Variants in SDF2 observed in about 807,000 individuals in gnomAD.
SDF2 encodes the protein stromal cell derived factor 2.
SDF2 carries 12 observed loss-of-function variants against 20.5 expected under a neutral mutation model. The ratio of observed to expected loss-of-function variants is 0.58; its 90% CI spans 0.37 to 0.95. SDF2 has a LOEUF of 0.95. SDF2 is among the 40% of genes least tolerant of loss of function. The pLI, the probability that SDF2 is intolerant of heterozygous loss-of-function variation, is 0.01. For missense variants in SDF2, 238 were observed against 263.1 expected (o/e 0.90, Z 0.66); for synonymous variants, 100 against 101.0 (o/e 0.99, Z 0.06).
At chr17:28,653,903 T>C (rs2071934267) in intron 2 of SDF2, among the ~76,000 whole-genome samples, 1 of 152,198 alleles carries the variant, frequency 6.6e-6, no homozygotes, top group Non-Finnish European at 1.5e-5. Flanking sequence ...TCATTAAATA[T>C]AGCAAATTTA....
chr17:28,652,788 C>G (rs1225277958), intron 2 of SDF2, among the ~76,000 whole-genome samples: 2 of 152,196 alleles, frequency 1.3e-5, no homozygotes, highest in African/African-American at 4.8e-5. Flanking sequence ...CCTGGAGCAT[C>G]TTTTGGTGCC....
At chr17:28,661,977 C>G, upstream of SDF2, 1 of 1,371,824 alleles carries the variant, frequency 7.3e-7, no homozygotes, top group Non-Finnish European at 1.0e-6. Flanking sequence ...AGTGAAGAAG[C>G]CCGAGTCTGA....
At chr17:28,659,571 C>T (rs970182731) in intron 1 of SDF2, among the ~76,000 whole-genome samples, 53 of 149,880 alleles carry the variant, frequency 3.5e-4, no homozygotes, top group East Asian at 1.4e-3. Context: ...CCAGATGGCG[C>T]GGCCGGGCAG....
chr17:28,652,948 C>T (rs559667675), intron 2 of SDF2, among the ~76,000 whole-genome samples: 19 of 152,080 alleles, frequency 1.2e-4, no homozygotes, highest in African/African-American at 4.3e-4. Context: ...TAGATTATAA[C>T]GAAGTATAAA....
intron 1 of SDF2, chr17:28,661,146 CAAG>C: frequency 2.3e-6 from 1 of 432,948 alleles, no homozygotes; most frequent in Non-Finnish European, 4.6e-6. Flanking sequence ...AAGTTTCTTA[CAAG>C]AAGGAGGTTA....
upstream of SDF2, chr17:28,662,020 G>C: frequency 2.2e-6 from 2 of 920,640 alleles, no homozygotes; most frequent in African/African-American, 1.7e-5. Flanking sequence ...AGCGGCCTGA[G>C]AAACCGGCTG....
At chr17:28,661,995 G>T, upstream of SDF2, 1 of 1,235,392 alleles carries the variant, frequency 8.1e-7, no homozygotes, top group Non-Finnish European at 1.1e-6. Context: ...TGATCTTTAT[G>T]GTTTATTTGA....
chr17:28,658,151 A>C (rs2071982888), intron 1 of SDF2, among the ~76,000 whole-genome samples: 1 of 150,512 alleles, frequency 6.6e-6, no homozygotes, highest in Non-Finnish European at 1.5e-5. Context: ...TGTCTCCTAC[A>C]TTTTCTGCTT....
chr17:28,656,914 A>G (rs773296937), intron 1 of SDF2, among the ~76,000 whole-genome samples: 16 of 152,184 alleles, frequency 1.1e-4, no homozygotes, highest in African/African-American at 2.9e-4. Flanking sequence ...CCCAACTCCC[A>G]TAAGTGGTCA....
chr17:28,656,759 GCCT>G (rs2071966898), intron 1 of SDF2, among the ~76,000 whole-genome samples: 2 of 152,122 alleles, frequency 1.3e-5, no homozygotes, highest in Non-Finnish European at 2.9e-5. Context: ...ATACACACTA[GCCT>G]GGATAGCCCC....
rs775228062 is a variant in SDF2, at chr17:28,648,955, A to G, written c.*34T>C. 86 of 1,603,360 alleles carry G rather than the reference A, an allele frequency of 5.4e-5. No homozygotes were observed. The highest frequency in any genetic ancestry group is 7.2e-5 in the Non-Finnish European group (85 of 1,172,678). On this transcript the variant is annotated 3_prime_UTR_variant, in exon 3 of 3. Coordinates refer to ENST00000247020, the MANE Select transcript of SDF2 (RefSeq NM_006923.4). ...GAGGCAGCAACAGATGTCTGTGAACATTGTGCGTTAACAGTGGCTCAGAGC... is the reference window on the plus strand; with the variant it reads ...GAGGCAGCAACAGATGTCTGTGAACGTTGTGCGTTAACAGTGGCTCAGAGC...
Position 28,661,688 on chromosome 17 carries a change from T to C in SDF2, c.151+38A>G, listed in dbSNP as rs376954981. On this transcript the variant is annotated intron_variant, in intron 1 of 2. Transcript: ENST00000247020. ...GCCCCGCCCCTCCAGAGCCTCCGAG[T>C]CCTCCCTAGCCCACCCGAGCCCGGT... 66 of 1,591,602 alleles carry C rather than the reference T, an allele frequency of 4.1e-5. No individual in the cohort carries two copies. The African/African-American group carries it at 8.1e-4, about 20-fold the overall frequency.
intron 2 of SDF2, among the ~76,000 whole-genome samples, chr17:28,653,627 C>T (rs2071931997): frequency 6.6e-6 from 1 of 152,142 alleles, no homozygotes; most frequent in Admixed American, 6.5e-5. Flanking sequence ...ACCTGGACAA[C>T]ATGGTGAAAC....
chr17:28,648,858 TTC>T lies in SDF2; in HGVS notation c.*129_*130del, dbSNP rs549358395. 1,366 of 904,614 alleles carry T rather than the reference TTC, an allele frequency of 1.5e-3. 3 individuals carry two copies. The highest frequency in any genetic ancestry group is 2.1e-3 in the Non-Finnish European group (1,241 of 588,056). 56.0% of individuals were successfully genotyped at this position (904,614 alleles called of 1,614,324 possible). ...GAAGCTTCCAAACACAGCCACTATTTTCTGTTGTATATCTTCATCTCAATGGT... is the reference window on the plus strand; with the variant it reads ...GAAGCTTCCAAACACAGCCACTATTTTGTTGTATATCTTCATCTCAATGGT... On this transcript the variant is annotated 3_prime_UTR_variant, in exon 3 of 3. Coordinates refer to ENST00000247020, the MANE Select transcript of SDF2 (RefSeq NM_006923.4).
At chr17:28,650,056 G>T (rs954834000) in intron 2 of SDF2, among the ~76,000 whole-genome samples, 2 of 151,708 alleles carry the variant, frequency 1.3e-5, no homozygotes, top group Non-Finnish European at 2.9e-5. Context: ...AGGTTCAAGT[G>T]ATTTTCCTGC....
intron 1 of SDF2, chr17:28,661,176 G>C (rs959200558): frequency 6.6e-6 from 3 of 455,120 alleles, no homozygotes; most frequent in African/African-American, 6.0e-5. Context: ...GGGTAGAAGG[G>C]GGCCAAAGAT....
intron 1 of SDF2, among the ~76,000 whole-genome samples, chr17:28,656,756 CT>C (rs1296224422): frequency 1.3e-5 from 2 of 152,204 alleles, no homozygotes; most frequent in Non-Finnish European, 2.9e-5. Context: ...CCTATACACA[CT>C]AGCCTGGATA....
At chr17:28,659,904 A>T (rs1301040858) in intron 1 of SDF2, among the ~76,000 whole-genome samples, 2 of 152,162 alleles carry the variant, frequency 1.3e-5, no homozygotes, top group Non-Finnish European at 2.9e-5. Context: ...GGGAGGTGGA[A>T]GTTGTAGTGA....
Position 28,648,871 on chromosome 17 carries a change from C to T in SDF2, c.*118G>A. The T allele has an allele frequency of 9.9e-7, 1 of 1,014,434 alleles. No homozygotes were observed. The highest frequency in any genetic ancestry group is 1.5e-6 in the Non-Finnish European group (1 of 675,124). 62.8% of individuals were successfully genotyped at this position (1,014,434 alleles called of 1,614,324 possible). A position where few individuals can be genotyped will look rare whatever the true frequency, so the allele number is the denominator to read the frequency against. On this transcript the variant is annotated 3_prime_UTR_variant, in exon 3 of 3. Coordinates refer to ENST00000247020, the MANE Select transcript of SDF2 (RefSeq NM_006923.4). ...ACAGCCACTATTTTCTGTTGTATAT[C>T]TTCATCTCAATGGTGACATGGCCAC...
Sources: gnomAD v4.1 joint callset for allele counts (sites outside exome capture counted in the v4.1 genomes callset) on GRCh38, gnomAD v4.1.1 for gene constraint, MANE v1.5 for transcripts, NCBI Gene and HGNC (gene_info 2026-07-23, HGNC 2026-07-21) for gene names.